GRIK1: variants seen among roughly 807,000 people sequenced by gnomAD.
GRIK1 encodes the protein glutamate ionotropic receptor kainate type subunit 1.
GRIK1 carries 69 observed loss-of-function variants against 105.7 expected under a neutral mutation model. The observed-to-expected ratio is 0.65, with a 90% CI of 0.54 to 0.80. GRIK1 has a LOEUF of 0.80. Among genes scored for constraint, GRIK1 ranks in the 30% least tolerant of loss-of-function variants. GRIK1 has a pLI of 0.00. For synonymous variants in GRIK1, 438 were observed against 431.3 expected, an observed-to-expected ratio of 1.02 and a Z score of -0.19; for missense variants, 1,109 against 1,167.3, an observed-to-expected ratio of 0.95 and a Z score of 0.73.
chr21:29,842,478 A>C (rs1180901830), intron 1 of GRIK1, among the ~76,000 whole-genome samples: 1 of 152,182 alleles, frequency 6.6e-6, no homozygotes, highest in East Asian at 1.9e-4. Context: ...AATTTTCAAA[A>C]GTTTTTGTCC....
intron 14 of GRIK1, among the ~76,000 whole-genome samples, 165 bp downstream of exon 14, chr21:29,576,799 A>T (rs993181194): frequency 6.6e-6 from 1 of 152,154 alleles, no homozygotes; most frequent in Non-Finnish European, 1.5e-5. Flanking sequence ...CTGGGGCTTC[A>T]AGGATTCCTT....
At chr21:29,810,409 G>A (rs2066979439) in intron 1 of GRIK1, among the ~76,000 whole-genome samples, 1 of 44,386 alleles carries the variant, frequency 2.3e-5, no homozygotes, top group Non-Finnish European at 4.1e-5. Flanking sequence ...ACATTGTGTT[G>A]GAAAAATGGT....
At chr21:29,563,107 A>G (rs1288165974) in intron 14 of GRIK1, among the ~76,000 whole-genome samples, 1 of 152,140 alleles carries the variant, frequency 6.6e-6, no homozygotes, top group Non-Finnish European at 1.5e-5. Context: ...AGCTAACCCC[A>G]GTTATCACAG....
At chr21:29,565,757 A>G (rs947791469) in intron 14 of GRIK1, among the ~76,000 whole-genome samples, 1 of 152,194 alleles carries the variant, frequency 6.6e-6, no homozygotes, top group Non-Finnish European at 1.5e-5. Context: ...TTCTATCACT[A>G]GGCAACTGCA....
intron 1 of GRIK1, among the ~76,000 whole-genome samples, chr21:29,894,482 C>T (rs903186378): frequency 1.3e-5 from 2 of 152,202 alleles, no homozygotes; most frequent in African/African-American, 4.8e-5. Context: ...CTTCTGTCTT[C>T]TCCTGCCTGC....
chr21:29,708,561 G>T (rs1436215825), intron 1 of GRIK1, among the ~76,000 whole-genome samples: 3 of 152,186 alleles, frequency 2.0e-5, no homozygotes, highest in Admixed American at 6.5e-5. Flanking sequence ...CATGGGGTTG[G>T]TTGGGGCTGT....
intron 4 of GRIK1, among the ~76,000 whole-genome samples, chr21:29,666,941 G>A (rs965828862): frequency 6.6e-6 from 1 of 152,154 alleles, no homozygotes; most frequent in East Asian, 1.9e-4. Flanking sequence ...CCTTGGGCAA[G>A]TTACAAAATC....
chr21:29,547,542 A>G (rs778727923), intron 16 of GRIK1, among the ~76,000 whole-genome samples: 13 of 152,248 alleles, frequency 8.5e-5, no homozygotes, highest in Non-Finnish European at 1.0e-4. Context: ...TGACTTGCCC[A>G]AAGACACACA....
At chr21:29,646,855 T>G (rs1197037290) in intron 6 of GRIK1, among the ~76,000 whole-genome samples, 1 of 152,122 alleles carries the variant, frequency 6.6e-6, no homozygotes, top group Non-Finnish European at 1.5e-5. Flanking sequence ...CTTTCCTTTT[T>G]TTTTTTTTAG....
intron 15 of GRIK1, among the ~76,000 whole-genome samples, chr21:29,560,311 C>G (rs2090369465): frequency 1.7e-5 from 2 of 116,636 alleles, no homozygotes; most frequent in Non-Finnish European, 3.4e-5. Flanking sequence ...TTCTTTCTTT[C>G]TTTCTTTCTT....
At chr21:29,916,151 G>A (rs1221277545) in intron 1 of GRIK1, among the ~76,000 whole-genome samples, 1 of 127,552 alleles carries the variant, frequency 7.8e-6, no homozygotes, top group African/African-American at 3.2e-5. Flanking sequence ...GCAGTACTTA[G>A]AAAATTACAC....
chr21:29,728,033 C>G (rs1175721279), intron 1 of GRIK1, among the ~76,000 whole-genome samples: 1 of 152,034 alleles, frequency 6.6e-6, no homozygotes, highest in Non-Finnish European at 1.5e-5. Flanking sequence ...GAGATGAAGC[C>G]CACCCACATT....
chr21:29,913,002 A>G (rs2070871585), intron 1 of GRIK1, among the ~76,000 whole-genome samples: 1 of 152,144 alleles, frequency 6.6e-6, no homozygotes, highest in Non-Finnish European at 1.5e-5. Flanking sequence ...TATTCATTAC[A>G]TGACGTACTT....
chr21:29,918,054 T>C (rs2071059747), intron 1 of GRIK1, among the ~76,000 whole-genome samples: 1 of 152,014 alleles, frequency 6.6e-6, no homozygotes. Context: ...AATGGATAAA[T>C]GATAGATAAA....
At chr21:29,787,481 T>C (rs2066288417) in intron 1 of GRIK1, among the ~76,000 whole-genome samples, 1 of 152,220 alleles carries the variant, frequency 6.6e-6, no homozygotes, top group Admixed American at 6.5e-5. Flanking sequence ...GTTTATTTAA[T>C]TGATTCTCTG....
chr21:29,687,691 T>C (rs896613946), intron 3 of GRIK1, among the ~76,000 whole-genome samples: 2 of 152,228 alleles, frequency 1.3e-5, no homozygotes, highest in Admixed American at 1.3e-4. Flanking sequence ...GTTTGGTGTT[T>C]GCTTTGAAAA....
chr21:29,677,066 C>T (rs1157681821), intron 3 of GRIK1, among the ~76,000 whole-genome samples: 1 of 152,144 alleles, frequency 6.6e-6, no homozygotes, highest in African/African-American at 2.4e-5. Flanking sequence ...GGAAAAAGGT[C>T]AAGATATCTG....
chr21:29,558,830 T>C (rs1295257190), intron 15 of GRIK1, among the ~76,000 whole-genome samples: 1 of 152,052 alleles, frequency 6.6e-6, no homozygotes, highest in Admixed American at 6.6e-5. Context: ...TTTAGGAAAG[T>C]GGTAGGAAGA....
intron 1 of GRIK1, among the ~76,000 whole-genome samples, chr21:29,745,592 A>G (rs191917138): frequency 1.2e-3 from 179 of 152,338 alleles, no homozygotes; most frequent in Non-Finnish European, 2.8e-4. Context: ...GATTCCCTCA[A>G]TGAATACTTA....
Sources: gnomAD v4.1 joint callset for allele counts (sites outside exome capture counted in the v4.1 genomes callset) on GRCh38, gnomAD v4.1.1 for gene constraint, MANE v1.5 for transcripts, NCBI Gene and HGNC (gene_info 2026-07-23, HGNC 2026-07-21) for gene names.